Variants in ARHGEF40 observed in about 807,000 individuals in gnomAD.
ARHGEF40 encodes Rho guanine nucleotide exchange factor (GEF) 40.
A neutral mutation model predicts 165.9 loss-of-function variants in ARHGEF40; 98 were observed. The observed-to-expected ratio is 0.59, with a 90% CI of 0.50 to 0.70. The LOEUF is 0.70. Among genes scored for constraint, ARHGEF40 ranks in the 30% least tolerant of loss-of-function variants. The probability of loss-of-function intolerance (pLI) is 0.00; values close to 1 mark genes in which losing one functional copy is unlikely to be tolerated. For synonymous variants in ARHGEF40, 792 were observed against 814.3 expected (o/e 0.97, Z 0.47); for missense variants, 1,815 against 1,968.0 (o/e 0.92, Z 1.47).
chr14:21,077,496 G>A (rs1286076350), intron 8 of ARHGEF40, among the ~76,000 whole-genome samples: 3 of 152,204 alleles, frequency 2.0e-5, no homozygotes, highest in South Asian at 4.1e-4. Flanking sequence ...AGAGAAGAGT[G>A]CAAGATAGTG....
At chr14:21,077,939 G>T (rs1157860772) in intron 8 of ARHGEF40, among the ~76,000 whole-genome samples, 1 of 152,216 alleles carries the variant, frequency 6.6e-6, no homozygotes, top group Non-Finnish European at 1.5e-5. Flanking sequence ...TGCTAAACTG[G>T]CATCATCTCC....
Position 21,087,329 on chromosome 14 carries a change from CCCGGGCCTCCGTGG to C in ARHGEF40, c.4257_4270del (p.Ala1420ValfsTer4). On this transcript the variant is annotated frameshift_variant, in exon 21 of 24. Transcript: ENST00000298694. LOFTEE classifies it high-confidence loss of function. ...TCCCCACTCTCTGCAGCCGCCCGCA[CCCGGGCCTCCGTGG>C]CCGTGTCATCCTTTGAGCATGCCGG... The C allele has an allele frequency of 6.2e-7, 1 of 1,606,282 alleles. No homozygotes were observed. Among genetic ancestry groups the C allele is most frequent in the Non-Finnish European group, 8.5e-7 (1 of 1,179,262 alleles).
In ARHGEF40 at chr14:21,070,938, G is replaced by A. The variant is rs1886765652; in HGVS notation, c.3+539G>A. ...GTGGCTGGGCCGGGTCCCGGGGCAT[G>A]GCCAAAGAGGGAAATTCCCGCAGAG... On this transcript the variant is annotated intron_variant, in intron 1 of 23. Transcript: ENST00000298694. The surrounding 1 kb of genome is among the most constrained non-coding windows in gnomAD (Gnocchi z 4.7). The A allele has an allele frequency of 1.5e-6, 2 of 1,351,058 alleles. No individual in the cohort carries two copies. The highest frequency in any genetic ancestry group is 2.0e-6 in the Non-Finnish European group (2 of 982,258). The allele number at this position is 1,351,058 out of a possible 1,614,324, so 83.7% of individuals were successfully genotyped here. A position where few individuals can be genotyped will look rare whatever the true frequency, so the allele number is the denominator to read the frequency against.
chr14:21,077,223 A>G (rs1887495699), intron 8 of ARHGEF40, among the ~76,000 whole-genome samples: 1 of 151,394 alleles, frequency 6.6e-6, no homozygotes, highest in South Asian at 2.1e-4. Context: ...TCCCATGTCA[A>G]CCTCTTGAGT....
chr14:21,076,415 C>T lies in ARHGEF40; in HGVS notation c.1795C>T (p.Pro599Ser), dbSNP rs1260073212. 1.2e-6 allele frequency: 2 copies of T among 1,613,776 alleles called. No individual in the cohort carries two copies. Among genetic ancestry groups the T allele is most frequent in the African/African-American group, 1.3e-5 (1 of 75,074 alleles). The change falls in exon 6 of 24, where the codon CCA (proline) becomes TCA (serine). Residue 599 changes from proline to serine, a missense_variant. Pro to Ser is a moderately conservative substitution (Grantham distance 74, BLOSUM62 -1). Transcript: ENST00000298694. ...SVLLDLRQAP[P>S]LPPALIPALS... ...CCTGCTGGACCTTCGTCAGGCACCT[C>T]CACTGCCTCCAGCACTCATTCCTGC...
upstream of ARHGEF40, among the ~76,000 whole-genome samples, chr14:21,069,628 A>G (rs2139183061): frequency 6.6e-6 from 1 of 151,684 alleles, no homozygotes; most frequent in Non-Finnish European, 1.5e-5. Flanking sequence ...ACTCCCGCAC[A>G]CTCCCGCCTT....
In ARHGEF40 at chr14:21,074,591, G is replaced by A; in HGVS notation, c.861G>A (p.Arg287=). Residue 287 remains arginine, a synonymous_variant, in exon 3 of 24, where the codon CGG becomes CGA. Coordinates refer to ENST00000298694, the MANE Select transcript of ARHGEF40 (RefSeq NM_018071.5). This position sits in a 1 kb window ranked among gnomAD's most constrained non-coding sequence, Gnocchi z 4.8. ...GGAAGGGCCGCCACCGGAGACACCG[G>A]GCGTGGATGCACCAGAAGGGCCTGG... is the stretch of plus-strand genomic sequence containing the variant. The part of the protein sequence containing the change: ...AGGKGRHRRH[R]AWMHQKGLGP... 6.4e-7 allele frequency: 1 copy of A among 1,568,000 alleles called. No individual in the cohort carries two copies. Among genetic ancestry groups the A allele is most frequent in the Non-Finnish European group, 8.6e-7 (1 of 1,156,954 alleles).
intron 19 of ARHGEF40, chr14:21,086,463 T>A (rs983925199): frequency 2.6e-5 from 4 of 153,178 alleles, no homozygotes; most frequent in African/African-American, 9.7e-5. Context: ...TAAGAACTGC[T>A]GCTACTTGCT....
In ARHGEF40 at chr14:21,081,555, G is replaced by A. The variant is rs1253697758; in HGVS notation, c.2687G>A (p.Gly896Glu). 5.0e-6 allele frequency: 8 copies of A among 1,612,876 alleles called. No homozygotes were observed. The highest frequency in any genetic ancestry group is 1.6e-4 in the Middle Eastern group (1 of 6,082). The change falls in exon 14 of 24, where the codon GGG becomes GAG. Residue 896 changes from glycine (G) to glutamate (E), a missense_variant. Transcript: ENST00000298694. The part of the protein sequence containing the change: ...DEGFARLAGA[G>E]PGREAVLAAL... ...GGCTTTGCTCGGCTGGCAGGAGCTG[G>A]GCCGGGTCGGGAGGCTGTGCTGGCT...
chr14:21,085,697 T>G lies in ARHGEF40; in HGVS notation c.3969T>G (p.Asp1323Glu). 6.2e-7 allele frequency: 1 copy of G among 1,613,802 alleles called. No homozygotes were observed. Among genetic ancestry groups the G allele is most frequent in the South Asian group, 1.1e-5 (1 of 91,058 alleles). Residue 1323 changes from aspartate to glutamate, a missense_variant, in exon 19 of 24, where the codon GAT (aspartate) becomes GAG (glutamate). Transcript: ENST00000298694. ...CCTCTGCTCTTCCTCAGACTGCTGA[T>G]ATGGGGCTGACAGAAAACATCGGGG... ...FVYKQAFKTA[D>E]MGLTENIGDS...
upstream of ARHGEF40, among the ~76,000 whole-genome samples, chr14:21,065,636 G>C (rs1886223962): frequency 6.6e-6 from 1 of 152,198 alleles, no homozygotes; most frequent in Non-Finnish European, 1.5e-5. Flanking sequence ...CTTTAGACCA[G>C]GTGGCCAGGG....
In ARHGEF40 at chr14:21,089,941, T is replaced by G. The variant is rs1453381306; in HGVS notation, c.*933T>G. ...CCATCAGAGCTACTGCATCGAAACC[T>G]GGGGGTAAAACCCAATATTCTGCAT... is the stretch of plus-strand genomic sequence containing the variant. On this transcript the variant is annotated 3_prime_UTR_variant, in exon 24 of 24. Transcript: ENST00000298694. 4.5e-6 allele frequency: 1 copy of G among 221,772 alleles called. No individual in the cohort carries two copies. Among genetic ancestry groups the G allele is most frequent in the African/African-American group, 2.3e-5 (1 of 43,532 alleles). 13.7% of individuals were successfully genotyped at this position (221,772 alleles called of 1,614,324 possible).
Position 21,088,093 on chromosome 14 carries a change from C to T in ARHGEF40, c.4513C>T (p.Arg1505Ter), listed in dbSNP as rs183407493. The T allele has an allele frequency of 7.5e-6, 12 of 1,609,444 alleles. No homozygotes were observed. The highest frequency in any genetic ancestry group is 4.5e-5 in the East Asian group (2 of 44,626). ...CAGTCGAGGGATCTTAGGGCTATCC[C>T]GACAGGTAAGTTCCTACAACGAGGC... The part of the protein sequence containing the change: ...LASRGILGLS[R>*]QSHARALSDP... Residue 1505 changes from arginine (R) to a stop codon, truncating the protein, a stop_gained, in exon 22 of 24, where the codon CGA (arginine) becomes TGA (stop). Coordinates refer to ENST00000298694, the MANE Select transcript of ARHGEF40 (RefSeq NM_018071.5). LOFTEE classifies it high-confidence loss of function.
In ARHGEF40 at chr14:21,083,906, G is replaced by A. The variant is rs1178333479; in HGVS notation, c.3645G>A (p.Gly1215=). 1.9e-6 allele frequency: 3 copies of A among 1,614,136 alleles called. No homozygotes were observed. Among genetic ancestry groups the A allele is most frequent in the Non-Finnish European group, 8.5e-7 (1 of 1,180,036 alleles). The change falls in exon 17 of 24, where the codon GGG becomes GGA. Residue 1215 remains glycine (G), a synonymous_variant. Coordinates refer to ENST00000298694, the MANE Select transcript of ARHGEF40 (RefSeq NM_018071.5). ...QQPLEQLTRY[G]RLLEELLREA... ...CTCTGGAACAGCTGACTCGGTATGG[G>A]CGGCTCCTGGAGGAGCTCCTGAGGG...
In ARHGEF40 at chr14:21,080,883, C is replaced by G; in HGVS notation, c.2507C>G (p.Ala836Gly). The G allele has an allele frequency of 6.2e-7, 1 of 1,613,680 alleles. No individual in the cohort carries two copies. Among genetic ancestry groups the G allele is most frequent in the South Asian group, 1.1e-5 (1 of 91,024 alleles). ...AFSAEVQERL[A>G]QAREALALEE... is the part of the protein sequence containing the mutation. Reference sequence around the variant, plus strand: ...GCCTCCCTTCTCCAGGAGCGCCTGGCCCAGGCACGGGAGGCCCTGGCTCTG... The same window carrying G: ...GCCTCCCTTCTCCAGGAGCGCCTGGGCCAGGCACGGGAGGCCCTGGCTCTG... Residue 836 changes from alanine to glycine, a missense_variant, in exon 13 of 24, where the codon GCC becomes GGC. Physicochemically the swap from Ala to Gly is moderately conservative, Grantham distance 60 (BLOSUM62 0). Transcript: ENST00000298694.
Position 21,076,906 on chromosome 14 carries a change from A to G in ARHGEF40, c.2034+16A>G. On this transcript the variant is annotated intron_variant, in intron 8 of 23. Transcript: ENST00000298694. ...GATACACCAGGTAAGCTTCCCCTCT[A>G]CCACCTAGCATGCTGGGAGCCAGGA... 6.3e-7 allele frequency: 1 copy of G among 1,595,268 alleles called. No individual in the cohort carries two copies. The highest frequency in any genetic ancestry group is 1.1e-5 in the South Asian group (1 of 90,488).
chr14:21,077,390 A>AT (rs113170858), intron 8 of ARHGEF40, among the ~76,000 whole-genome samples: 5,523 of 150,712 alleles, frequency 0.037, 123 homozygotes, highest in South Asian at 0.084. Context: ...AAGTGCTAAG[A>AT]TTACAGGCAT....
At chr14:21,064,308 T>TA in the ARHGEF40 span, among the ~76,000 whole-genome samples, 2,622 of 152,160 alleles carry the variant, frequency 0.017, 92 homozygotes, top group African/African-American at 0.06. Context: ...CCTTTTTTTT[T>TA]TTATTATTTT....
chr14:21,068,931 C>T (rs115392620), upstream of ARHGEF40, among the ~76,000 whole-genome samples: 1,468 of 152,314 alleles, frequency 9.6e-3, 22 homozygotes, highest in African/African-American at 0.033. Flanking sequence ...TGGCGGCACC[C>T]CCGCCTCCCC....
Sources: allele counts gnomAD v4.1 joint callset (sites outside exome capture counted in the v4.1 genomes callset), GRCh38; gene constraint gnomAD v4.1.1; non-coding constraint Gnocchi (gnomAD v3.1); transcripts MANE v1.5; gene names NCBI Gene and HGNC (gene_info 2026-07-23, HGNC 2026-07-21).